Variants in SERPINI2 observed in about 807,000 individuals in gnomAD.
SERPINI2 encodes the protein serpin family I member 2.
A neutral mutation model predicts 47.3 loss-of-function variants in SERPINI2; 48 were observed. The observed-to-expected ratio is 1.02, with a 90% CI of 0.81 to 1.29. The LOEUF is 1.29. Among genes scored for constraint, SERPINI2 ranks in the 50% most tolerant of loss-of-function variants. SERPINI2 has a pLI of 0.00. For synonymous variants in SERPINI2, 135 were observed against 149.3 expected (o/e 0.90, Z 0.70); for missense variants, 448 against 456.9 (o/e 0.98, Z 0.18).
rs111992839 is a variant in SERPINI2 at position 167,442,279 on chromosome 3, G to C, written c.1142-94C>G. 3,665 of 885,746 alleles carry C rather than the reference G, an allele frequency of 4.1e-3. 89 individuals carry two copies. In the African/African-American group the frequency reaches 0.051, roughly 12 times the overall value. 54.9% of individuals were successfully genotyped at this position (885,746 alleles called of 1,614,324 possible). On this transcript the variant is annotated intron_variant, in intron 8 of 8. Coordinates refer to ENST00000264677, the Ensembl canonical transcript of SERPINI2. ...TTTCTTAATATTTAACATGTCATTTGGTCTTTTTTCTCTGTAAGATAAATA... is the reference window on the plus strand; with the variant it reads ...TTTCTTAATATTTAACATGTCATTTCGTCTTTTTTCTCTGTAAGATAAATA...
intron 8 of SERPINI2, 104 bp downstream of exon 8, chr3:167,446,288 C>T: frequency 1.0e-5 from 7 of 690,432 alleles, no homozygotes; most frequent in Non-Finnish European, 1.7e-5. Flanking sequence ...AACAAATATC[C>T]ACTGAAAGAA....
exon 7 of SERPINI2, chr3:167,449,375 A>C: frequency 6.2e-7 from 1 of 1,612,548 alleles, no homozygotes; most frequent in Non-Finnish European, 8.5e-7. Context: ...TTTTTGCGTC[A>C]CTTGGGAAAC....
intron 5 of SERPINI2, among the ~76,000 whole-genome samples, chr3:167,459,315 C>G (rs1285480235): frequency 6.6e-6 from 1 of 151,916 alleles, no homozygotes; most frequent in Admixed American, 6.6e-5. Flanking sequence ...ACCTCGTGAT[C>G]CGCCCGCCTC....
intron 8 of SERPINI2, among the ~76,000 whole-genome samples, chr3:167,446,182 C>T (rs972643986): frequency 5.3e-5 from 8 of 152,288 alleles, no homozygotes; most frequent in African/African-American, 1.9e-4. Flanking sequence ...ATGGCTACCG[C>T]ATATAGTAGC....
At chr3:167,455,094 T>G (rs1749747524) in intron 5 of SERPINI2, among the ~76,000 whole-genome samples, 1 of 152,220 alleles carries the variant, frequency 6.6e-6, no homozygotes, top group African/African-American at 2.4e-5. Flanking sequence ...TTCCAAAGTT[T>G]ATGAGTCTTC....
At chr3:167,458,223 T>G (rs1391997562) in intron 5 of SERPINI2, among the ~76,000 whole-genome samples, 1 of 151,464 alleles carries the variant, frequency 6.6e-6, no homozygotes, top group Non-Finnish European at 1.5e-5. Context: ...TACATTGCTG[T>G]GTAGTCTTAG....
chr3:167,456,629 T>C (rs1440600562), intron 5 of SERPINI2, among the ~76,000 whole-genome samples: 2 of 152,210 alleles, frequency 1.3e-5, no homozygotes, highest in African/African-American at 4.8e-5. Flanking sequence ...CAGTCACCTG[T>C]TTTCAGACGT....
upstream of SERPINI2, among the ~76,000 whole-genome samples, chr3:167,474,452 G>A (rs923882688): frequency 3.3e-5 from 5 of 151,620 alleles, no homozygotes; most frequent in Non-Finnish European, 5.9e-5. Flanking sequence ...GCTAAATCAA[G>A]TCCAGAATAC....
chr3:167,471,519 CT>C, intron 2 of SERPINI2, 68 bp downstream of exon 2: 1 of 1,411,338 alleles, frequency 7.1e-7, no homozygotes, highest in East Asian at 2.3e-5. Context: ...TTATCCTGAA[CT>C]TCTAATATTA....
chr3:167,449,335 AC>A lies in SERPINI2; in HGVS notation c.1031del (p.Ser344MetfsTer13). 3.1e-6 allele frequency: 5 copies of A among 1,612,748 alleles called. No individual in the cohort carries two copies. The highest frequency in any genetic ancestry group is 4.2e-6 in the Non-Finnish European group (5 of 1,178,960). ...CCCTACCAGTTGATGTTGCAGCTTCACTACCATCTTCATTTATCTCAAAGAA... is the reference window on the plus strand; with the variant it reads ...CCCTACCAGTTGATGTTGCAGCTTCATACCATCTTCATTTATCTCAAAGAA... On this transcript the variant is annotated frameshift_variant, in exon 7 of 9. Transcript: ENST00000264677. LOFTEE classifies it high-confidence loss of function.
chr3:167,461,179 T>C (rs1749971086), intron 5 of SERPINI2, among the ~76,000 whole-genome samples: 1 of 150,774 alleles, frequency 6.6e-6, no homozygotes, highest in Non-Finnish European at 1.5e-5. Context: ...AGGAGTGGAG[T>C]CTGAGAATTC....
chr3:167,445,493 C>A (rs927621910), intron 8 of SERPINI2, among the ~76,000 whole-genome samples: 6 of 152,146 alleles, frequency 3.9e-5, no homozygotes, highest in African/African-American at 1.4e-4. Context: ...TTAGAAAGGA[C>A]AAGCAACTTG....
chr3:167,465,694 G>A, intron 3 of SERPINI2, 21 bp from the exon 4 acceptor site: 1 of 1,587,014 alleles, frequency 6.3e-7, no homozygotes, highest in Non-Finnish European at 8.6e-7. Flanking sequence ...GGTGGAGGAG[G>A]AGGTAAGAAG....
intron 2 of SERPINI2, chr3:167,469,688 TA>T (rs1226507516): frequency 1.3e-5 from 2 of 152,022 alleles, no homozygotes; most frequent in African/African-American, 4.8e-5. Context: ...ATGGAGGAGG[TA>T]AATTCAGAGC....
At chr3:167,465,713 A>G in intron 3 of SERPINI2, 40 bp from the exon 4 acceptor site, 1 of 1,536,472 alleles carries the variant, frequency 6.5e-7, no homozygotes, top group Non-Finnish European at 8.8e-7. Context: ...AGAAATGTGC[A>G]ATAGTGATTC....
chr3:167,460,621 G>GA (rs919690924), intron 5 of SERPINI2, among the ~76,000 whole-genome samples: 15 of 152,028 alleles, frequency 9.9e-5, no homozygotes, highest in African/African-American at 2.7e-4. Flanking sequence ...AATTTAGAAA[G>GA]AAAAAAATCT....
chr3:167,443,208 C>T (rs558636174), intron 8 of SERPINI2, among the ~76,000 whole-genome samples: 5 of 152,092 alleles, frequency 3.3e-5, no homozygotes, highest in Admixed American at 1.3e-4. Context: ...CCCGGGTTCA[C>T]GCCATTCTCC....
At chr3:167,455,593 C>CAA (rs11407272) in intron 5 of SERPINI2, among the ~76,000 whole-genome samples, 9,607 of 123,136 alleles carry the variant, frequency 0.078, 673 homozygotes, top group African/African-American at 0.18. Flanking sequence ...ATACGAGTCT[C>CAA]AAAAAAAAAA....
At chr3:167,443,194 G>A (rs1456076200) in intron 8 of SERPINI2, among the ~76,000 whole-genome samples, 1 of 152,096 alleles carries the variant, frequency 6.6e-6, no homozygotes, top group African/African-American at 2.4e-5. Context: ...TGCAAGCTCC[G>A]CCTCCCGGGT....
Sources: allele counts gnomAD v4.1 joint callset (sites outside exome capture counted in the v4.1 genomes callset), GRCh38; gene constraint gnomAD v4.1.1; transcripts MANE v1.5; gene names NCBI Gene and HGNC (gene_info 2026-07-23, HGNC 2026-07-21).